GLIS1: variants seen among roughly 807,000 people sequenced by gnomAD.
GLIS1 encodes GLIS family zinc finger 1, also known as zinc finger protein GLIS1.
GLIS1 carries 24 observed loss-of-function variants against 63.8 expected under a neutral mutation model. The ratio of observed to expected loss-of-function variants is 0.38; its 90% CI spans 0.27 to 0.53. The LOEUF (loss-of-function observed/expected upper bound fraction) is 0.53. Ranked by LOEUF, GLIS1 falls within the 20% of genes least tolerant of loss-of-function variation. The probability of loss-of-function intolerance (pLI) is 0.85; values close to 1 mark genes in which losing one functional copy is unlikely to be tolerated. For synonymous variants in GLIS1, 450 were observed against 482.5 expected, an observed-to-expected ratio of 0.93 and a Z score of 0.88; for missense variants, 1,036 against 1,074.1, an observed-to-expected ratio of 0.96 and a Z score of 0.50.
At chr1:53,706,659 C>T (rs1350053352) in intron 2 of GLIS1, among the ~76,000 whole-genome samples, 1 of 152,170 alleles carries the variant, frequency 6.6e-6, no homozygotes, top group Admixed American at 6.5e-5. Context: ...ATGATTTAAT[C>T]GGAAACACGT....
In GLIS1 at chr1:53,509,991, G is replaced by A. The variant is rs779174269; in HGVS notation, c.1920C>T (p.Pro640=). Residue 640 remains proline (P), a synonymous_variant, in exon 9 of 11, where the codon CCC becomes CCT. Transcript: ENST00000628545. ...GPGLLSPIVS[P]LKGLGPPPLP... ...GCGGCGGTGGCCCCAGCCCCTTCAG[G>A]GGGCTGACTATTGGTGAGAGGAGGC... 7.8e-7 allele frequency: 1 copy of A among 1,286,520 alleles called. No individual in the cohort carries two copies. The highest frequency in any genetic ancestry group is 1.5e-5 in the African/African-American group (1 of 66,160). The allele number at this position is 1,286,520 out of a possible 1,614,324, so 79.7% of individuals were successfully genotyped here.
At chr1:53,550,838 G>A (rs4927004) in intron 4 of GLIS1, among the ~76,000 whole-genome samples, 10,535 of 151,978 alleles carry the variant, frequency 0.069, 1,165 homozygotes, top group East Asian at 0.52. Flanking sequence ...CAAAATCCCA[G>A]CAATTTTTAT....
At chr1:53,658,681 TC>T (rs1423518860) in intron 2 of GLIS1, among the ~76,000 whole-genome samples, 4 of 152,134 alleles carry the variant, frequency 2.6e-5, no homozygotes, top group African/African-American at 9.7e-5. Context: ...CCCCTTGCAC[TC>T]CCACTAGCCT....
At chr1:53,566,069 T>C (rs930930359) in intron 4 of GLIS1, among the ~76,000 whole-genome samples, 1 of 152,206 alleles carries the variant, frequency 6.6e-6, no homozygotes, top group Non-Finnish European at 1.5e-5. Context: ...AGTTAAGCTA[T>C]ATAGCTTAAT....
At chr1:53,701,094 T>C (rs1016130092) in intron 2 of GLIS1, among the ~76,000 whole-genome samples, 4 of 152,240 alleles carry the variant, frequency 2.6e-5, no homozygotes, top group African/African-American at 9.6e-5. Context: ...TTGGTACAAA[T>C]TTCATGTGGG....
At chr1:53,559,624 T>A (rs997037642) in intron 4 of GLIS1, among the ~76,000 whole-genome samples, 1 of 152,106 alleles carries the variant, frequency 6.6e-6, no homozygotes, top group Non-Finnish European at 1.5e-5. Flanking sequence ...GCCCAGCCGC[T>A]GCAATGCGGG....
chr1:53,590,247 A>G (rs1645175279), intron 4 of GLIS1, among the ~76,000 whole-genome samples: 1 of 152,104 alleles, frequency 6.6e-6, no homozygotes, highest in Admixed American at 6.5e-5. Context: ...GTAGTTCAGA[A>G]AGGGTAAGTC....
intron 4 of GLIS1, among the ~76,000 whole-genome samples, chr1:53,554,739 T>C (rs1020267331): frequency 6.6e-6 from 1 of 152,162 alleles, no homozygotes; most frequent in Non-Finnish European, 1.5e-5. Flanking sequence ...GTGCCCATCA[T>C]TGGGCCCCCA....
chr1:53,546,598 AG>A (rs34651466), intron 4 of GLIS1, among the ~76,000 whole-genome samples: 85,281 of 151,590 alleles, frequency 0.56, 24,634 homozygotes, highest in Middle Eastern at 0.64. Context: ...GAGAGATGGC[AG>A]GGCTCGTCAA....
In GLIS1 at chr1:53,612,692, AT is replaced by A. The variant is rs1296971031; in HGVS notation, c.260-12415del. On this transcript the variant is annotated intron_variant, in intron 2 of 10. Coordinates refer to ENST00000628545, the MANE Select transcript of GLIS1 (RefSeq NM_001367484.1). ...TGAGCTCTCTGACTCTTGGCCCCAC[AT>A]TACCTACAGATTGGCTAATGCCTGA... 5.9e-5 allele frequency among the ~76,000 whole-genome samples: 9 copies of A among 152,226 alleles called. No homozygotes were observed. The South Asian group carries it at 6.2e-4, about 11-fold the overall frequency.
chr1:53,551,852 A>G (rs939087230), intron 4 of GLIS1, among the ~76,000 whole-genome samples: 5 of 151,646 alleles, frequency 3.3e-5, no homozygotes, highest in African/African-American at 1.2e-4. Context: ...GCACAAACCC[A>G]TCCCTCCTCC....
intron 2 of GLIS1, among the ~76,000 whole-genome samples, chr1:53,607,348 G>A (rs954667704): frequency 1.3e-5 from 2 of 152,130 alleles, no homozygotes; most frequent in Admixed American, 1.3e-4. Context: ...ATAGTTCACT[G>A]CTGTCTTGAC....
intron 7 of GLIS1, among the ~76,000 whole-genome samples, chr1:53,518,138 G>A (rs527413161): frequency 3.3e-5 from 5 of 152,284 alleles, no homozygotes; most frequent in African/African-American, 1.2e-4. Flanking sequence ...GGGGATCCAG[G>A]ACCCCGGGCT....
intron 2 of GLIS1, among the ~76,000 whole-genome samples, chr1:53,685,057 T>A (rs1646319710): frequency 1.3e-5 from 2 of 152,086 alleles, no homozygotes; most frequent in South Asian, 4.1e-4. Flanking sequence ...GAGGAGATGC[T>A]GGCAGAGTTC....
In GLIS1 at chr1:53,514,643, G is replaced by A. The variant is rs1644331308; in HGVS notation, c.1865C>T (p.Ala622Val). 1.2e-6 allele frequency: 2 copies of A among 1,613,704 alleles called. No homozygotes were observed. The highest frequency in any genetic ancestry group is 8.5e-7 in the Non-Finnish European group (1 of 1,179,878). ...SHHHLSPLPM[A>V]ESTRDGLGPG... ...TACATACCCATCCCGGGTGCTCTCA[G>A]CCATGGGCAGAGGGGACAGATGGTG... is the stretch of plus-strand genomic sequence containing the variant. Residue 622 changes from alanine (A) to valine (V), a missense_variant, in exon 8 of 11, where the codon GCT becomes GTT. This residue lies in a region of GLIS1 where 400 missense variants were observed against 400.9 expected (regional missense o/e 1.00). Transcript: ENST00000628545.
chr1:53,701,084 T>G (rs1006019265), intron 2 of GLIS1, among the ~76,000 whole-genome samples: 1 of 152,260 alleles, frequency 6.6e-6, no homozygotes, highest in Non-Finnish European at 1.5e-5. Context: ...TATTAACATT[T>G]TGGTACAAAT....
At chr1:53,522,307 T>C (rs1259071023) in intron 6 of GLIS1, among the ~76,000 whole-genome samples, 1 of 152,260 alleles carries the variant, frequency 6.6e-6, no homozygotes, top group African/African-American at 2.4e-5. Context: ...AATGGATGCT[T>C]ATTGTTGGGA....
intron 6 of GLIS1, among the ~76,000 whole-genome samples, chr1:53,523,365 T>C (rs910964720): frequency 4.6e-5 from 7 of 152,020 alleles, no homozygotes; most frequent in African/African-American, 1.7e-4. Flanking sequence ...CTGAGGCCCC[T>C]TGCTCCCAGC....
chr1:53,673,210 C>T (rs1245507764), intron 2 of GLIS1, among the ~76,000 whole-genome samples: 2 of 152,212 alleles, frequency 1.3e-5, no homozygotes, highest in Non-Finnish European at 2.9e-5. Flanking sequence ...ACACCATGCC[C>T]ACAGAATTTT....
Sources: gnomAD v4.1 joint callset for allele counts (sites outside exome capture counted in the v4.1 genomes callset) on GRCh38, gnomAD v4.1.1 for gene constraint, gnomAD v4.1.1 regional missense constraint, MANE v1.5 for transcripts, NCBI Gene and HGNC (gene_info 2026-07-23, HGNC 2026-07-21) for gene names.